Variants in HMGCLL1 observed in about 807,000 individuals in gnomAD.
HMGCLL1 encodes 3-hydroxy-3-methylglutaryl-CoA lyase like 1, also known as 3-hydroxymethyl-3-methylglutaryl-CoA lyase, cytoplasmic.
A neutral mutation model predicts 39.1 loss-of-function variants in HMGCLL1; 36 were observed. The observed-to-expected ratio is 0.92, with a 90% CI of 0.71 to 1.22. The LOEUF (loss-of-function observed/expected upper bound fraction) is 1.22, where lower values mean the gene tolerates loss of function less well. Among genes scored for constraint, HMGCLL1 ranks in the 50% most tolerant of loss-of-function variants. HMGCLL1 has a pLI of 0.00. For missense variants in HMGCLL1, 451 were observed against 416.5 expected (o/e 1.08, Z -0.72); for synonymous variants, 149 against 144.0 (o/e 1.03, Z -0.25).
At chr6:55,670,563 A>G in the HMGCLL1 span, among the ~76,000 whole-genome samples, 1 of 151,806 alleles carries the variant, frequency 6.6e-6, no homozygotes, top group Admixed American at 6.6e-5. Context: ...CCTACATCAT[A>G]AAGGGGGAAT....
In HMGCLL1 at chr6:55,514,052, G is replaced by A. The variant is rs772842454; in HGVS notation, c.538C>T (p.Arg180Ter). 1.2e-5 allele frequency: 19 copies of A among 1,610,006 alleles called. No homozygotes were observed. The highest frequency in any genetic ancestry group is 1.7e-4 in the Middle Eastern group (1 of 6,020). ...KSARHMNIPARGYVSCALGCP... is the reference protein window; with the variant it reads ...KSARHMNIPA ...TTTGTGGGATTTCATAAGTACCCTCGTGCTGGAATATTCATGTGTCTTGCA... is the reference window on the plus strand; with the variant it reads ...TTTGTGGGATTTCATAAGTACCCTCATGCTGGAATATTCATGTGTCTTGCA... Residue 180 changes from arginine (R) to a stop codon, truncating the protein, a stop_gained, in exon 5 of 9, where the codon CGA becomes TGA. Transcript: ENST00000274901. LOFTEE classifies it high-confidence loss of function.
intron 1 of HMGCLL1, among the ~76,000 whole-genome samples, chr6:55,578,288 C>T (rs1771853739): frequency 6.6e-6 from 1 of 152,102 alleles, no homozygotes; most frequent in Non-Finnish European, 1.5e-5. Context: ...TCTTTATACA[C>T]CTTTTCTTTA....
the HMGCLL1 span, among the ~76,000 whole-genome samples, chr6:55,615,901 T>C: frequency 6.6e-6 from 1 of 152,016 alleles, no homozygotes; most frequent in African/African-American, 2.4e-5. Flanking sequence ...TACAGAAAGT[T>C]TAATAGAAAG....
chr6:55,566,663 G>A (rs1378753479), intron 1 of HMGCLL1: 1 of 455,454 alleles, frequency 2.2e-6, no homozygotes, highest in East Asian at 7.0e-5. Flanking sequence ...TGCATATTGT[G>A]CACTGTGTGA....
intron 7 of HMGCLL1, among the ~76,000 whole-genome samples, chr6:55,448,934 A>C (rs1022173941): frequency 3.5e-4 from 54 of 152,322 alleles, no homozygotes; most frequent in African/African-American, 1.3e-3. Context: ...ATCCAGCTTC[A>C]GTCACAGTGG....
At chr6:55,587,969 C>A in the HMGCLL1 span, among the ~76,000 whole-genome samples, 3 of 152,034 alleles carry the variant, frequency 2.0e-5, no homozygotes. Context: ...ACTTTAACAC[C>A]GCACTGTCAA....
At chr6:55,644,195 G>A in the HMGCLL1 span, among the ~76,000 whole-genome samples, 2 of 151,954 alleles carry the variant, frequency 1.3e-5, no homozygotes, top group Non-Finnish European at 2.9e-5. Context: ...TTTGCCATTT[G>A]TATGTCTTCT....
the HMGCLL1 span, among the ~76,000 whole-genome samples, chr6:55,587,542 C>T: frequency 6.6e-6 from 1 of 152,100 alleles, no homozygotes; most frequent in Non-Finnish European, 1.5e-5. Flanking sequence ...AGATCAAATT[C>T]ACACATAACA....
chr6:55,672,261 T>C, the HMGCLL1 span, among the ~76,000 whole-genome samples: 10 of 151,896 alleles, frequency 6.6e-5, no homozygotes, highest in South Asian at 8.3e-4. Flanking sequence ...TTAAAATTAC[T>C]GATTGCTTAA....
At chr6:55,545,165 C>A (rs891973021) in intron 1 of HMGCLL1, among the ~76,000 whole-genome samples, 1 of 145,612 alleles carries the variant, frequency 6.9e-6, no homozygotes, top group South Asian at 2.1e-4. Flanking sequence ...ATTAGCTTGG[C>A]ACATACATGG....
intron 7 of HMGCLL1, among the ~76,000 whole-genome samples, chr6:55,463,058 TC>T (rs1383975928): frequency 1.3e-5 from 2 of 148,958 alleles, no homozygotes; most frequent in African/African-American, 4.9e-5. Flanking sequence ...TGAGATGGAG[TC>T]TTGCTCTGTT....
chr6:55,464,831 T>C (rs1288007998), intron 7 of HMGCLL1, among the ~76,000 whole-genome samples: 4 of 152,180 alleles, frequency 2.6e-5, no homozygotes, highest in Non-Finnish European at 4.4e-5. Context: ...AATTAAGTCT[T>C]TCAACCTGAT....
the HMGCLL1 span, among the ~76,000 whole-genome samples, chr6:55,604,891 T>A: frequency 6.6e-6 from 1 of 150,570 alleles, no homozygotes; most frequent in Non-Finnish European, 1.5e-5. Context: ...TCCACTATCC[T>A]ATGTATAAGT....
chr6:55,623,375 G>A, the HMGCLL1 span, among the ~76,000 whole-genome samples: 1 of 151,518 alleles, frequency 6.6e-6, no homozygotes, highest in African/African-American at 2.4e-5. Context: ...TTTGATGTAG[G>A]CACTTATTGC....
the HMGCLL1 span, among the ~76,000 whole-genome samples, chr6:55,641,818 A>G: frequency 6.6e-6 from 1 of 150,796 alleles, no homozygotes; most frequent in Non-Finnish European, 1.5e-5. Context: ...TTGTAATTTT[A>G]AATTTATAAA....
At chr6:55,646,746 G>A in the HMGCLL1 span, among the ~76,000 whole-genome samples, 2 of 151,868 alleles carry the variant, frequency 1.3e-5, no homozygotes, top group Non-Finnish European at 2.9e-5. Context: ...TTCCATTCTG[G>A]TTGGAGAAGA....
At chr6:55,481,460 T>C (rs896687561) in intron 7 of HMGCLL1, among the ~76,000 whole-genome samples, 16 of 152,100 alleles carry the variant, frequency 1.1e-4, no homozygotes, top group African/African-American at 3.4e-4. Flanking sequence ...ATACCCCATT[T>C]ATCCTTATAA....
intron 7 of HMGCLL1, among the ~76,000 whole-genome samples, chr6:55,466,162 T>A (rs1162591504): frequency 6.6e-6 from 1 of 152,094 alleles, no homozygotes; most frequent in Non-Finnish European, 1.5e-5. Flanking sequence ...GGGGCAGGAA[T>A]CTGAGCAAGA....
chr6:55,650,167 AGG>A, the HMGCLL1 span, among the ~76,000 whole-genome samples: 1 of 132,948 alleles, frequency 7.5e-6, no homozygotes, highest in East Asian at 2.4e-4. Flanking sequence ...ATATTTCTCC[AGG>A]ATGATTCCTG....
Sources: allele counts gnomAD v4.1 joint callset (sites outside exome capture counted in the v4.1 genomes callset), GRCh38; gene constraint gnomAD v4.1.1; transcripts MANE v1.5; gene names NCBI Gene and HGNC (gene_info 2026-07-23, HGNC 2026-07-21).